The following PLXNA2 variants were observed in gnomAD, a reference collection of about 807,000 sequenced individuals.
The protein encoded by PLXNA2 is plexin-A2.
PLXNA2 carries 91 observed loss-of-function variants against 193.5 expected under a neutral mutation model. That is an observed-to-expected ratio of 0.47 (90% CI 0.40 to 0.56). The LOEUF is 0.56. Ranked by LOEUF, PLXNA2 falls within the 20% of genes least tolerant of loss-of-function variation. The pLI is 0.00. For synonymous variants in PLXNA2, 997 were observed against 1,027.3 expected (o/e 0.97, Z 0.56); for missense variants, 1,995 against 2,503.2 (o/e 0.80, Z 4.33).
chr1:208,129,928 A>C (rs190204844), intron 4 of PLXNA2, among the ~76,000 whole-genome samples: 1 of 152,244 alleles, frequency 6.6e-6, no homozygotes, highest in East Asian at 1.9e-4. Flanking sequence ...TCTTCCTTCT[A>C]CCTGGCTTGC....
intron 4 of PLXNA2, among the ~76,000 whole-genome samples, chr1:208,121,106 G>A (rs1667794478): frequency 1.3e-5 from 2 of 152,186 alleles, no homozygotes; most frequent in African/African-American, 2.4e-5. Flanking sequence ...AGGATGAAGA[G>A]CCCAATGGAA....
rs543691810 is a variant in PLXNA2 at position 208,050,498 on chromosome 1, A to G, written c.3255+511T>C. ...GCCAGTACTTTGATACACTCACTAT[A>G]TCACCTTCTGACAAGAAATTGTACT... On this transcript the variant is annotated intron_variant, in intron 17 of 31. Transcript: ENST00000367033. 1.4e-4 allele frequency among the ~76,000 whole-genome samples: 22 copies of G among 152,370 alleles called. 1 individual carries two copies. Among genetic ancestry groups the G allele is most frequent in the African/African-American group, 5.3e-4 (22 of 41,586 alleles).
chr1:208,212,519 G>T (rs1226089027), intron 2 of PLXNA2, among the ~76,000 whole-genome samples: 4 of 152,212 alleles, frequency 2.6e-5, no homozygotes, highest in African/African-American at 7.2e-5. Flanking sequence ...TCTCAGGAAG[G>T]GAGTGAAGCT....
At position 208,082,386 on chromosome 1, in the gene PLXNA2, A is replaced by C. The variant is rs745616890; in HGVS notation, c.2395+26T>G. 5 of 1,594,154 alleles carry C rather than the reference A, an allele frequency of 3.1e-6. No homozygotes were observed. Among genetic ancestry groups the C allele is most frequent in the Non-Finnish European group, 4.3e-6 (5 of 1,163,204 alleles). ...TTTCCCGGGGTCGTGAAAAGATCAAACTTCTACCCGGAAGTAGCCGCTTAC... is the reference window on the plus strand; with the variant it reads ...TTTCCCGGGGTCGTGAAAAGATCAACCTTCTACCCGGAAGTAGCCGCTTAC... On this transcript the variant is annotated intron_variant, in intron 11 of 31. Transcript: ENST00000367033. The surrounding 1 kb of genome is among the most constrained non-coding windows in gnomAD (Gnocchi z 4.2).
Position 208,243,908 on chromosome 1 carries a change from C to G in PLXNA2, c.-346G>C, listed in dbSNP as rs1359957325. On this transcript the variant is annotated 5_prime_UTR_variant, in exon 1 of 32. Coordinates refer to ENST00000367033, the MANE Select transcript of PLXNA2 (RefSeq NM_025179.4). ...CAGCAGCCCGGCTGGGCGCTGTCGC[C>G]GGCTCTCAGGGGGCACCCGGAGGCG... 6.6e-6 allele frequency: 1 copy of G among 152,396 alleles called. No individual in the cohort carries two copies. Among genetic ancestry groups the G allele is most frequent in the African/African-American group, 2.4e-5 (1 of 41,466 alleles). The allele number at this position is 152,396 out of a possible 1,614,324, so 9.4% of individuals were successfully genotyped here.
chr1:208,147,837 C>A (rs1668645812), intron 3 of PLXNA2, among the ~76,000 whole-genome samples: 1 of 152,166 alleles, frequency 6.6e-6, no homozygotes, highest in Admixed American at 6.5e-5. Flanking sequence ...ATCCACTCTT[C>A]CCCCTTTAGG....
intron 3 of PLXNA2, among the ~76,000 whole-genome samples, chr1:208,209,123 C>T (rs1670841409): frequency 6.6e-6 from 1 of 152,116 alleles, no homozygotes; most frequent in Admixed American, 6.5e-5. Flanking sequence ...CATGTAGGAA[C>T]CTCTACAGCA....
At chr1:208,233,331 T>G (rs1016075933) in intron 1 of PLXNA2, among the ~76,000 whole-genome samples, 1 of 152,222 alleles carries the variant, frequency 6.6e-6, no homozygotes, top group African/African-American at 2.4e-5. Context: ...AAGGAACGTA[T>G]CTTTTTTTCT....
At chr1:208,096,962 A>G (rs1666919333) in intron 6 of PLXNA2, 79 bp from the exon 7 acceptor site, 2 of 1,355,924 alleles carry the variant, frequency 1.5e-6, no homozygotes, top group African/African-American at 2.9e-5. Context: ...GCTGTGACCC[A>G]CTTTGCTCAC....
chr1:208,162,610 T>C (rs1177923843), intron 3 of PLXNA2, among the ~76,000 whole-genome samples: 3 of 152,154 alleles, frequency 2.0e-5, no homozygotes, highest in Admixed American at 2.0e-4. Flanking sequence ...GAGTTCACAA[T>C]CAGGCAAGGA....
chr1:208,075,007 G>A (rs1462075161), intron 12 of PLXNA2, among the ~76,000 whole-genome samples: 8 of 152,202 alleles, frequency 5.3e-5, no homozygotes, highest in African/African-American at 4.8e-5. Context: ...AGCCAAGAAA[G>A]CTGAAGTAAA....
chr1:208,096,931 C>G, intron 6 of PLXNA2, 48 bp from the exon 7 acceptor site: 2 of 1,573,176 alleles, frequency 1.3e-6, no homozygotes, highest in Non-Finnish European at 1.7e-6. Flanking sequence ...CTCAGGAGAC[C>G]TGGACTCCAG....
intron 28 of PLXNA2, chr1:208,032,057 G>A (rs899263542): frequency 4.3e-5 from 42 of 985,208 alleles, no homozygotes; most frequent in African/African-American, 3.3e-4. Context: ...CCCCGGGTCC[G>A]GGCTTCCCAT....
rs144050275 is a variant in PLXNA2, at chr1:208,123,923, C to T, written c.1506+18406G>A. The stretch of plus-strand genomic sequence containing the variant: ...CTAAGGGAAGCTACTTGGAGAGTTA[C>T]GGGAATGACCAGGTATCTATTCCAT... On this transcript the variant is annotated intron_variant, in intron 4 of 31. Coordinates refer to ENST00000367033, the MANE Select transcript of PLXNA2 (RefSeq NM_025179.4). Among the ~76,000 whole-genome samples, 186 of 152,150 alleles carry T rather than the reference C, an allele frequency of 1.2e-3. 1 individual carries two copies. The highest frequency in any genetic ancestry group is 4.2e-3 in the African/African-American group (175 of 41,482).
rs1247868264 is a variant in PLXNA2, at chr1:208,168,723, GGTTTTT to G, written c.1372-26266_1372-26261del. On this transcript the variant is annotated intron_variant, in intron 3 of 31. Transcript: ENST00000367033. ...CAAAAAGAAGACAAAGAGTATGCGG[GGTTTTT>G]TTTTTTTTTTTTTTTTTTTTTTAGA... 1.9e-4 allele frequency among the ~76,000 whole-genome samples: 19 copies of G among 102,236 alleles called. 1 individual carries two copies. Among genetic ancestry groups the G allele is most frequent in the South Asian group, 3.9e-4 (1 of 2,596 alleles). 67.1% of individuals were successfully genotyped at this position (102,236 alleles called of 152,430 possible).
At chr1:208,220,162 T>C (rs977548487) in intron 1 of PLXNA2, among the ~76,000 whole-genome samples, 1 of 152,090 alleles carries the variant, frequency 6.6e-6, no homozygotes, top group African/African-American at 2.4e-5. Context: ...AAGGACTTAG[T>C]ATGCGGTTAA....
chr1:208,159,125 G>T (rs1408565796), intron 3 of PLXNA2, among the ~76,000 whole-genome samples: 1 of 152,140 alleles, frequency 6.6e-6, no homozygotes, highest in Admixed American at 6.5e-5. Context: ...CTAGGGAGTG[G>T]GAGAAATGCC....
chr1:208,106,134 G>A (rs1667264482), intron 4 of PLXNA2, among the ~76,000 whole-genome samples: 1 of 151,302 alleles, frequency 6.6e-6, no homozygotes, highest in Non-Finnish European at 1.5e-5. Flanking sequence ...TAAGTTGGCA[G>A]GGGTGGAGGG....
chr1:208,217,880 T>G lies in PLXNA2; in HGVS notation c.43A>C (p.Ser15Arg). Residue 15 changes from serine to arginine, a missense_variant, in exon 2 of 32, where the codon AGC (serine) becomes CGC (arginine). By Grantham distance (110) the Ser-to-Arg change is moderately radical. Coordinates refer to ENST00000367033, the MANE Select transcript of PLXNA2 (RefSeq NM_025179.4). This position sits in a 1 kb window ranked among gnomAD's most constrained non-coding sequence, Gnocchi z 4.7. ...RPWPRALEVD[S>R]RSVVLLSVVW... ...ACTGAGAGCAGGACCACAGAGCGGC[T>G]GTCCACCTCCAGGGCCCGGGGCCAG... 6.2e-7 allele frequency: 1 copy of G among 1,612,484 alleles called. No homozygotes were observed. The highest frequency in any genetic ancestry group is 8.5e-7 in the Non-Finnish European group (1 of 1,179,854).
Sources: allele counts gnomAD v4.1 joint callset (sites outside exome capture counted in the v4.1 genomes callset), GRCh38; gene constraint gnomAD v4.1.1; non-coding constraint Gnocchi (gnomAD v3.1); transcripts MANE v1.5; gene names NCBI Gene and HGNC (gene_info 2026-07-23, HGNC 2026-07-21).